ADAMTS17: variants seen among roughly 807,000 people sequenced by gnomAD.
ADAMTS17 encodes A disintegrin and metalloproteinase with thrombospondin motifs 17.
ADAMTS17 carries 113 observed loss-of-function variants against 141.5 expected under a neutral mutation model. That is an observed-to-expected ratio of 0.80 (90% confidence interval 0.69 to 0.93). The LOEUF (loss-of-function observed/expected upper bound fraction) is 0.93. Among genes scored for constraint, ADAMTS17 ranks in the 40% least tolerant of loss-of-function variants. ADAMTS17 has a pLI of 0.00. For missense variants in ADAMTS17, 1,659 were observed against 1,517.9 expected, an observed-to-expected ratio of 1.09 and a Z score of -1.54; for synonymous variants, 768 against 630.6, an observed-to-expected ratio of 1.22 and a Z score of -3.27.
intron 8 of ADAMTS17, among the ~76,000 whole-genome samples, chr15:100,172,359 C>G (rs74247536): frequency 0.034 from 5,242 of 152,256 alleles, 179 homozygotes; most frequent in East Asian, 0.17. Flanking sequence ...TTCAAAGAAT[C>G]AGTACGTTAA....
chr15:100,214,215 G>T (rs1283476783), intron 7 of ADAMTS17, among the ~76,000 whole-genome samples: 3 of 152,168 alleles, frequency 2.0e-5, no homozygotes, highest in Non-Finnish European at 4.4e-5. Context: ...AGGGAAGATA[G>T]GAACTTAGAA....
intron 8 of ADAMTS17, among the ~76,000 whole-genome samples, chr15:100,195,067 C>G (rs1459247745): frequency 6.6e-6 from 1 of 152,226 alleles, no homozygotes; most frequent in African/African-American, 2.4e-5. Context: ...TAGCTGAACC[C>G]AAAGGTAGCA....
At chr15:100,055,594 T>C (rs1028168196) in intron 15 of ADAMTS17, among the ~76,000 whole-genome samples, 3 of 152,240 alleles carry the variant, frequency 2.0e-5, no homozygotes, top group East Asian at 1.9e-4. Context: ...CTGAGGATTA[T>C]AGGACTCCAG....
At chr15:100,017,179 C>T (rs148774391) in intron 18 of ADAMTS17, among the ~76,000 whole-genome samples, 3,320 of 152,282 alleles carry the variant, frequency 0.022, 78 homozygotes, top group Non-Finnish European at 0.033. Flanking sequence ...TCACCCAGCT[C>T]CCACGCAATC....
At chr15:100,135,188 G>T (rs1256878255) in intron 10 of ADAMTS17, among the ~76,000 whole-genome samples, 1 of 152,036 alleles carries the variant, frequency 6.6e-6, no homozygotes, top group African/African-American at 2.4e-5. Flanking sequence ...TCAAAGAAAA[G>T]AAGAATGAGG....
intron 15 of ADAMTS17, among the ~76,000 whole-genome samples, chr15:100,063,023 T>A (rs1218170299): frequency 6.6e-6 from 1 of 152,134 alleles, no homozygotes; most frequent in Non-Finnish European, 1.5e-5. Flanking sequence ...CGTCTGGGAA[T>A]TGGGCCAAGG....
In ADAMTS17 at chr15:100,341,316, C is replaced by T. The variant is rs1346087341; in HGVS notation, c.173G>A (p.Gly58Glu). 3.8e-6 allele frequency: 4 copies of T among 1,044,016 alleles called. No homozygotes were observed. The highest frequency in any genetic ancestry group is 3.4e-5 in the African/African-American group (2 of 58,096). 64.7% of individuals were successfully genotyped at this position (1,044,016 alleles called of 1,614,324 possible). The change falls in exon 2 of 22, where the codon GGG becomes GAG. Residue 58 changes from glycine to glutamate, a missense_variant. By Grantham distance (98) the Gly-to-Glu change is moderately conservative. Transcript: ENST00000268070. ...VHLPPLPAAP[G>E]PRRRRRPRTP... ...GCGGGGGCGTCGCCGCCGTCGGGGC[C>T]CGGGGGCTGCGGGCAGCGGCGGCAG...
intron 14 of ADAMTS17, among the ~76,000 whole-genome samples, chr15:100,101,072 C>CT (rs528657088): frequency 1.2e-4 from 18 of 152,306 alleles, no homozygotes; most frequent in Admixed American, 1.2e-3. Context: ...GCCCTGGCTC[C>CT]TTTGTGCCAG....
chr15:100,295,583 A>AGCCACAGC (rs2044780368), intron 3 of ADAMTS17, among the ~76,000 whole-genome samples: 1 of 152,158 alleles, frequency 6.6e-6, no homozygotes, highest in African/African-American at 2.4e-5. Flanking sequence ...CAAAGGTATA[A>AGCCACAGC]GCCACAGCCC....
chr15:100,241,972 G>A (rs1055577014), intron 7 of ADAMTS17, among the ~76,000 whole-genome samples: 45 of 152,204 alleles, frequency 3.0e-4, no homozygotes, highest in African/African-American at 7.0e-4. Flanking sequence ...CTTCCTTCCC[G>A]TTCCTGAAGC....
intron 12 of ADAMTS17, among the ~76,000 whole-genome samples, chr15:100,127,747 A>T (rs2037819189): frequency 6.7e-6 from 1 of 149,890 alleles, no homozygotes; most frequent in African/African-American, 2.4e-5. Flanking sequence ...GCACCTGGCT[A>T]ATTTTCGTAC....
At chr15:100,206,119 C>T (rs7178938) in intron 7 of ADAMTS17, among the ~76,000 whole-genome samples, 10 of 152,222 alleles carry the variant, frequency 6.6e-5, no homozygotes, top group South Asian at 2.1e-4. Context: ...CAACGGCGGG[C>T]GGCACCGTGA....
chr15:100,306,305 C>A, intron 3 of ADAMTS17: 1 of 364,538 alleles, frequency 2.7e-6, no homozygotes, highest in Non-Finnish European at 5.4e-6. Flanking sequence ...CAGAGTGATG[C>A]TCTAGGATTT....
intron 3 of ADAMTS17, among the ~76,000 whole-genome samples, chr15:100,320,724 T>A (rs1193092631): frequency 6.6e-6 from 1 of 152,034 alleles, no homozygotes; most frequent in Non-Finnish European, 1.5e-5. Context: ...TCCCAGCTAC[T>A]CGAAAGGTTA....
rs1034493499 is a variant in ADAMTS17, at chr15:100,341,605, G to T, written c.80-196C>A. Among the ~76,000 whole-genome samples the T allele has an allele frequency of 3.3e-5, 5 of 150,172 alleles. No individual in the cohort carries two copies. The East Asian group carries it at 7.8e-4, about 23-fold the overall frequency. On this transcript the variant is annotated intron_variant, in intron 1 of 21. Coordinates refer to ENST00000268070, the MANE Select transcript of ADAMTS17 (RefSeq NM_139057.4). ...CGGCGCAGCCGCGCGAGCACCTCCC[G>T]GAACGGCGCCGCGCATCGGCGAGCG...
intron 19 of ADAMTS17, among the ~76,000 whole-genome samples, chr15:99,994,184 G>C (rs1174643243): frequency 6.6e-6 from 1 of 152,210 alleles, no homozygotes; most frequent in Admixed American, 6.5e-5. Flanking sequence ...CCCTGTCCCT[G>C]ACACAGGCGT....
At chr15:100,043,436 C>T (rs1453302818) in intron 18 of ADAMTS17, among the ~76,000 whole-genome samples, 3 of 152,186 alleles carry the variant, frequency 2.0e-5, no homozygotes, top group East Asian at 3.8e-4. Context: ...AATTCTAACA[C>T]GTCCTCCTTT....
chr15:100,173,846 C>A (rs531585541), intron 8 of ADAMTS17, among the ~76,000 whole-genome samples: 1 of 152,304 alleles, frequency 6.6e-6, no homozygotes, highest in African/African-American at 2.4e-5. Flanking sequence ...CTTTGGAGTA[C>A]AGGCCAGGCA....
intron 3 of ADAMTS17, among the ~76,000 whole-genome samples, chr15:100,290,263 C>G (rs572838066): frequency 6.6e-6 from 1 of 151,952 alleles, no homozygotes; most frequent in Non-Finnish European, 1.5e-5. Context: ...ACAATAACAA[C>G]AACAAAAAAT....
Sources: allele counts gnomAD v4.1 joint callset (sites outside exome capture counted in the v4.1 genomes callset), GRCh38; gene constraint gnomAD v4.1.1; transcripts MANE v1.5; gene names NCBI Gene and HGNC (gene_info 2026-07-23, HGNC 2026-07-21).